Variants in ALMS1 observed in about 807,000 individuals in gnomAD.
ALMS1 encodes ALMS1 centrosome and basal body associated protein, also known as centrosome-associated protein ALMS1.
A neutral mutation model predicts 352.2 loss-of-function variants in ALMS1; 271 were observed. The observed-to-expected ratio is 0.77, with a 90% CI of 0.70 to 0.85. ALMS1 has a LOEUF of 0.85. Among genes scored for constraint, ALMS1 ranks in the 40% least tolerant of loss-of-function variants. The probability of loss-of-function intolerance (pLI) is 0.00; values close to 1 mark genes in which losing one functional copy is unlikely to be tolerated. For synonymous variants in ALMS1, 1,865 were observed against 1,761.2 expected, an observed-to-expected ratio of 1.06 and a Z score of -1.48; for missense variants, 5,445 against 4,870.7, an observed-to-expected ratio of 1.12 and a Z score of -3.51.
intron 9 of ALMS1, among the ~76,000 whole-genome samples, chr2:73,476,440 G>A (rs1490259354): frequency 6.6e-6 from 1 of 151,990 alleles, no homozygotes; most frequent in Non-Finnish European, 1.5e-5. Flanking sequence ...GGATCATACA[G>A]TCATTCTACT....
At chr2:73,540,276 A>C (rs551952189) in intron 12 of ALMS1, among the ~76,000 whole-genome samples, 1 of 152,212 alleles carries the variant, frequency 6.6e-6, no homozygotes, top group Non-Finnish European at 1.5e-5. Context: ...ACTAAGCTTC[A>C]TAAGTGAAGG....
Position 73,572,622 on chromosome 2 carries a change from G to A in ALMS1, c.10745G>A (p.Arg3582Lys). Residue 3582 changes from arginine to lysine, a missense_variant, in exon 16 of 23, where the codon AGG (arginine) becomes AAG (lysine). Physicochemically the swap from Arg to Lys is conservative, Grantham distance 26. Transcript: ENST00000613296. ...AATGGACAAATTAGTGATCCACAAA[G>A]GGATCAGAAGGTCACCCCAGAGCAA... ...KHNGQISDPQRDQKVTPEQTT... is the reference protein window; with the variant it reads ...KHNGQISDPQKDQKVTPEQTT... 2 of 1,613,952 alleles carry A rather than the reference G, an allele frequency of 1.2e-6. No homozygotes were observed. The highest frequency in any genetic ancestry group is 1.7e-6 in the Non-Finnish European group (2 of 1,179,988).
rs2103889006 is a variant in ALMS1 at position 73,489,625 on chromosome 2, A to G, written c.7675-9A>G. 1.2e-6 allele frequency: 2 copies of G among 1,614,122 alleles called. No individual in the cohort carries two copies. Among genetic ancestry groups the G allele is most frequent in the South Asian group, 1.1e-5 (1 of 91,082 alleles). Reference sequence around the variant, plus strand: ...TTCAAATAAGAACCTGTTTGTTTGTATCTTCTAGGGTTTACAGAGTCCACG... The same window carrying G: ...TTCAAATAAGAACCTGTTTGTTTGTGTCTTCTAGGGTTTACAGAGTCCACG... On this transcript the variant is annotated splice_polypyrimidine_tract_variant and intron_variant, in intron 9 of 22. Coordinates refer to ENST00000613296, the MANE Select transcript of ALMS1 (RefSeq NM_001378454.1).
intron 22 of ALMS1, among the ~76,000 whole-genome samples, chr2:73,608,948 A>T (rs1230034257): frequency 6.6e-6 from 1 of 152,184 alleles, no homozygotes; most frequent in Non-Finnish European, 1.5e-5. Context: ...GAACTGTTAA[A>T]CTGGAAAATG....
At chr2:73,400,919 T>A (rs990549600) in intron 1 of ALMS1, among the ~76,000 whole-genome samples, 1 of 152,146 alleles carries the variant, frequency 6.6e-6, no homozygotes, top group African/African-American at 2.4e-5. Flanking sequence ...CCTGAGTAGC[T>A]GGGATTATAG....
intron 9 of ALMS1, among the ~76,000 whole-genome samples, chr2:73,461,972 C>T (rs536537009): frequency 3.0e-4 from 45 of 152,100 alleles, no homozygotes; most frequent in African/African-American, 8.5e-4. Context: ...ACCAAATCTA[C>T]GTCTGATTGG....
intron 10 of ALMS1, among the ~76,000 whole-genome samples, chr2:73,516,652 C>T (rs934978825): frequency 2.0e-4 from 30 of 152,180 alleles, no homozygotes; most frequent in African/African-American, 5.3e-4. Flanking sequence ...AGACTCTTTG[C>T]CCTCACAACT....
intron 9 of ALMS1, among the ~76,000 whole-genome samples, chr2:73,484,877 G>C (rs1206875631): frequency 6.6e-6 from 1 of 152,168 alleles, no homozygotes; most frequent in Non-Finnish European, 1.5e-5. Flanking sequence ...CGGCTCTTGA[G>C]GCTTCTGCAT....
intron 16 of ALMS1, among the ~76,000 whole-genome samples, chr2:73,593,615 T>C (rs1228770480): frequency 6.6e-6 from 1 of 152,246 alleles, no homozygotes; most frequent in East Asian, 1.9e-4. Context: ...TTTACCTGTT[T>C]AAAGTGTACA....
At chr2:73,455,067 A>T (rs1672031470) in intron 8 of ALMS1, 95 bp from the exon 9 acceptor site, 2 of 1,377,366 alleles carry the variant, frequency 1.5e-6, no homozygotes, top group South Asian at 2.3e-5. Context: ...TGCAGTGGGT[A>T]TTAAATTGCA....
At chr2:73,408,894 A>G (rs1391611013) in intron 2 of ALMS1, 147 bp downstream of exon 2, 7 of 648,736 alleles carry the variant, frequency 1.1e-5, no homozygotes, top group South Asian at 6.8e-5. Flanking sequence ...TTTTTTTAAG[A>G]CAGGGTCTCA....
intron 10 of ALMS1, among the ~76,000 whole-genome samples, chr2:73,514,043 G>A (rs1572987297): frequency 6.6e-6 from 1 of 152,086 alleles, no homozygotes; most frequent in East Asian, 1.9e-4. Flanking sequence ...AGAATAGGAA[G>A]CTTATTTTTT....
At chr2:73,527,180 G>C (rs1384879017) in intron 11 of ALMS1, among the ~76,000 whole-genome samples, 1 of 150,762 alleles carries the variant, frequency 6.6e-6, no homozygotes, top group Non-Finnish European at 1.5e-5. Flanking sequence ...CTAGTATTTT[G>C]TTGAGGATTT....
rs867431007 is a variant in ALMS1 at position 73,452,658 on chromosome 2, T to C, written c.6131T>C (p.Phe2044Ser). 6.2e-7 allele frequency: 1 copy of C among 1,614,028 alleles called. No homozygotes were observed. Residue 2044 changes from phenylalanine to serine, a missense_variant, in exon 8 of 23, where the codon TTT (phenylalanine) becomes TCT (serine). Physicochemically the swap from Phe to Ser is radical, Grantham distance 155. Transcript: ENST00000613296. ...NDQKTPSQTA[F>S]HSSYSQTVKP... ...CAGAAGACTCCATCCCAGACAGCTT[T>C]TCATAGTTCCTATTCTCAAACAGTA...
At chr2:73,405,784 T>G (rs1182958734) in intron 1 of ALMS1, among the ~76,000 whole-genome samples, 1 of 152,184 alleles carries the variant, frequency 6.6e-6, no homozygotes, top group African/African-American at 2.4e-5. Context: ...TCTTAATGTA[T>G]TATTTCCTTT....
At chr2:73,514,077 TTTCTC>T (rs1423820866) in intron 10 of ALMS1, among the ~76,000 whole-genome samples, 1 of 152,168 alleles carries the variant, frequency 6.6e-6, no homozygotes, top group African/African-American at 2.4e-5. Flanking sequence ...TAATATATCT[TTTCTC>T]TCCTTTTACT....
At chr2:73,481,251 G>A (rs1672697135) in intron 9 of ALMS1, among the ~76,000 whole-genome samples, 3 of 152,132 alleles carry the variant, frequency 2.0e-5, no homozygotes, top group Admixed American at 1.3e-4. Flanking sequence ...ATTAATTTTT[G>A]TATACGGTGT....
At chr2:73,445,258 T>C (rs1202523400) in intron 7 of ALMS1, among the ~76,000 whole-genome samples, 3 of 152,142 alleles carry the variant, frequency 2.0e-5, no homozygotes, top group African/African-American at 4.8e-5. Context: ...AAAATTCCAG[T>C]TATACTCTTT....
chr2:73,600,650 C>T (rs774867014), intron 17 of ALMS1, 28 bp from the exon 18 acceptor site: 2 of 1,595,648 alleles, frequency 1.3e-6, no homozygotes, highest in African/African-American at 1.3e-5. Flanking sequence ...AGGTTACTCC[C>T]AGAGACACCT....
Sources: gnomAD v4.1 joint callset for allele counts (sites outside exome capture counted in the v4.1 genomes callset) on GRCh38, gnomAD v4.1.1 for gene constraint, MANE v1.5 for transcripts, NCBI Gene and HGNC (gene_info 2026-07-23, HGNC 2026-07-21) for gene names.